The following NRXN1 variants were observed in gnomAD, a reference collection of about 807,000 sequenced individuals.
NRXN1 encodes the protein neurexin-1.
Under a neutral mutation model 150.9 loss-of-function variants are expected in NRXN1, and 39 were observed. The observed-to-expected ratio is 0.26, with a 90% CI of 0.20 to 0.34. NRXN1 has a LOEUF of 0.34. Ranked by LOEUF, NRXN1 falls within the 10% of genes least tolerant of loss-of-function variation. The probability of loss-of-function intolerance (pLI) is 1.00; values close to 1 mark genes in which losing one functional copy is unlikely to be tolerated. For missense variants in NRXN1, 1,815 were observed against 1,949.9 expected (o/e 0.93, Z 1.30); for synonymous variants, 924 against 757.0 (o/e 1.22, Z -3.62).
chr2:50,204,872 T>G, intron 18 of NRXN1, among the ~76,000 whole-genome samples: 1 of 152,054 alleles, frequency 6.6e-6, no homozygotes, highest in South Asian at 2.1e-4. Context: ...TTAGTTCCAG[T>G]TATTATTACT....
chr2:50,641,875 T>G (rs772485031), intron 5 of NRXN1, among the ~76,000 whole-genome samples: 2 of 152,084 alleles, frequency 1.3e-5, no homozygotes, highest in Admixed American at 1.3e-4. Flanking sequence ...CTCCCTGACA[T>G]CCACTGAGTT....
chr2:50,405,721 G>T (rs1244665839), intron 17 of NRXN1, among the ~76,000 whole-genome samples: 1 of 152,026 alleles, frequency 6.6e-6, no homozygotes, highest in Non-Finnish European at 1.5e-5. Context: ...TTGCTCCCAG[G>T]TTTATTACTC....
chr2:50,472,571 G>C, intron 15 of NRXN1, 100 bp from the exon 16 acceptor site: 1 of 886,066 alleles, frequency 1.1e-6, no homozygotes, highest in Non-Finnish European at 1.7e-6. Context: ...TTTTCATTAA[G>C]TTAATAAAAA....
intron 2 of NRXN1, among the ~76,000 whole-genome samples, chr2:51,026,804 T>G (rs1028669177): frequency 5.3e-5 from 8 of 152,248 alleles, no homozygotes; most frequent in African/African-American, 1.7e-4. Context: ...AAAATTTTAC[T>G]TAAATTTCAC....
chr2:50,442,199 G>A (rs971952446), intron 17 of NRXN1, among the ~76,000 whole-genome samples: 5 of 151,998 alleles, frequency 3.3e-5, no homozygotes, highest in Non-Finnish European at 7.4e-5. Context: ...TGTGTGCCTT[G>A]GATTTATCAT....
chr2:50,035,338 A>T (rs1689860909), intron 21 of NRXN1, among the ~76,000 whole-genome samples: 1 of 151,990 alleles, frequency 6.6e-6, no homozygotes, highest in East Asian at 1.9e-4. Flanking sequence ...ACAGAGTCTC[A>T]TTTCTCTACC....
chr2:50,035,087 G>A (rs955964213), intron 21 of NRXN1, among the ~76,000 whole-genome samples: 1 of 152,074 alleles, frequency 6.6e-6, no homozygotes, highest in Non-Finnish European at 1.5e-5. Context: ...CACATTCATT[G>A]ACTGCACATC....
chr2:50,954,614 GT>G (rs780025602), intron 2 of NRXN1, among the ~76,000 whole-genome samples: 15 of 152,220 alleles, frequency 9.9e-5, no homozygotes, highest in Non-Finnish European at 1.9e-4. Flanking sequence ...CTGGTACGCA[GT>G]AGGCACAGTT....
At chr2:50,221,582 T>C (rs1212514918) in intron 18 of NRXN1, among the ~76,000 whole-genome samples, 2 of 152,170 alleles carry the variant, frequency 1.3e-5, no homozygotes, top group East Asian at 1.9e-4. Flanking sequence ...ATTTTAAGAA[T>C]TGGCCATTTA....
intron 21 of NRXN1, among the ~76,000 whole-genome samples, chr2:49,964,437 G>A (rs1308206870): frequency 5.3e-5 from 8 of 151,324 alleles, no homozygotes; most frequent in Non-Finnish European, 1.0e-4. Context: ...AAAATTAATC[G>A]GGTGTGGTGG....
intron 21 of NRXN1, among the ~76,000 whole-genome samples, chr2:50,028,066 TA>T (rs79942448): frequency 5.0e-4 from 72 of 142,752 alleles, no homozygotes; most frequent in South Asian, 2.7e-3. Flanking sequence ...GAGAAAAAAT[TA>T]AAAAAAAAAA....
intron 5 of NRXN1, among the ~76,000 whole-genome samples, chr2:50,721,507 G>A (rs777206051): frequency 1.3e-5 from 2 of 152,036 alleles, no homozygotes; most frequent in Admixed American, 6.6e-5. Flanking sequence ...AGAAATCAAG[G>A]GCCACCTCAT....
chr2:50,502,952 C>T (rs1348379874), intron 13 of NRXN1, among the ~76,000 whole-genome samples: 1 of 152,050 alleles, frequency 6.6e-6, no homozygotes, highest in African/African-American at 2.4e-5. Flanking sequence ...AATTAAATGG[C>T]TAATTCTAGG....
chr2:50,265,746 A>G (rs1213491148), intron 17 of NRXN1, among the ~76,000 whole-genome samples: 1 of 152,114 alleles, frequency 6.6e-6, no homozygotes, highest in East Asian at 1.9e-4. Context: ...TCATCTTCCG[A>G]GCATATGTCC....
chr2:51,004,896 C>T lies in NRXN1; in HGVS notation c.772+22606G>A, dbSNP rs537081420. 3.9e-5 allele frequency among the ~76,000 whole-genome samples: 6 copies of T among 151,908 alleles called. No individual in the cohort carries two copies. In the South Asian group the frequency reaches 1.2e-3, roughly 32 times the overall value. Reference sequence around the variant, plus strand: ...ATAGATCAAAGGAATGAAAAAAGTCCTAAGAAATATTAATTTTAGACTATA... The same window carrying T: ...ATAGATCAAAGGAATGAAAAAAGTCTTAAGAAATATTAATTTTAGACTATA... On this transcript the variant is annotated intron_variant, in intron 2 of 22. Transcript: ENST00000401669.
At chr2:50,831,586 G>A (rs1671413009) in intron 5 of NRXN1, among the ~76,000 whole-genome samples, 1 of 152,182 alleles carries the variant, frequency 6.6e-6, no homozygotes, top group Non-Finnish European at 1.5e-5. Context: ...GTTCTTCAGA[G>A]TGTATAAATA....
chr2:50,344,550 A>G (rs2077788454), intron 17 of NRXN1, among the ~76,000 whole-genome samples: 1 of 152,202 alleles, frequency 6.6e-6, no homozygotes, highest in South Asian at 2.1e-4. Context: ...CACTATACAC[A>G]CAACAATTTT....
chr2:50,517,123 C>T (rs543961394), intron 12 of NRXN1, among the ~76,000 whole-genome samples: 4 of 152,146 alleles, frequency 2.6e-5, no homozygotes, highest in African/African-American at 9.6e-5. Context: ...TAAGCTAATA[C>T]TAGAAACAAT....
At chr2:49,932,751 A>C (rs1670357513) in intron 22 of NRXN1, among the ~76,000 whole-genome samples, 2 of 152,190 alleles carry the variant, frequency 1.3e-5, no homozygotes, top group African/African-American at 4.8e-5. Flanking sequence ...TGTAGTTAAC[A>C]GCTATTATTT....
Sources: gnomAD v4.1 joint callset for allele counts (sites outside exome capture counted in the v4.1 genomes callset) on GRCh38, gnomAD v4.1.1 for gene constraint, MANE v1.5 for transcripts, NCBI Gene and HGNC (gene_info 2026-07-23, HGNC 2026-07-21) for gene names.